IQGAP2: variants seen among roughly 807,000 people sequenced by gnomAD.
The protein encoded by IQGAP2 is ras GTPase-activating-like protein IQGAP2.
A neutral mutation model predicts 201.3 loss-of-function variants in IQGAP2; 173 were observed. The observed-to-expected ratio is 0.86, with a 90% CI of 0.76 to 0.98. IQGAP2 has a LOEUF of 0.98. Among genes scored for constraint, IQGAP2 ranks in the 50% least tolerant of loss-of-function variants. The pLI, the probability that IQGAP2 is intolerant of heterozygous loss-of-function variation, is 0.00. For synonymous variants in IQGAP2, 675 were observed against 673.9 expected, an observed-to-expected ratio of 1.00 and a Z score of -0.03; for missense variants, 1,687 against 1,864.8, an observed-to-expected ratio of 0.90 and a Z score of 1.76.
chr5:76,409,510 T>C (rs912328936), intron 1 of IQGAP2, among the ~76,000 whole-genome samples: 12 of 152,034 alleles, frequency 7.9e-5, no homozygotes, highest in African/African-American at 2.9e-4. Context: ...GCCTCCCAAA[T>C]TGCTGGTATT....
chr5:76,644,504 T>G (rs1751872388), intron 17 of IQGAP2, among the ~76,000 whole-genome samples: 1 of 151,904 alleles, frequency 6.6e-6, no homozygotes, highest in Non-Finnish European at 1.5e-5. Context: ...TTCACCATGT[T>G]GGCCAGGCTG....
chr5:76,512,433 G>C (rs570086940), intron 2 of IQGAP2, among the ~76,000 whole-genome samples: 1 of 152,270 alleles, frequency 6.6e-6, no homozygotes, highest in East Asian at 1.9e-4. Context: ...TGCTTTAGTA[G>C]CTAAACTTTT....
chr5:76,425,290 T>A (rs1306164552), intron 1 of IQGAP2, among the ~76,000 whole-genome samples: 1 of 152,206 alleles, frequency 6.6e-6, no homozygotes, highest in Non-Finnish European at 1.5e-5. Context: ...AGATTCTTCA[T>A]TAAAATTTTA....
chr5:76,576,853 A>G (rs1047589600), intron 5 of IQGAP2, among the ~76,000 whole-genome samples: 1 of 152,218 alleles, frequency 6.6e-6, no homozygotes, highest in African/African-American at 2.4e-5. Context: ...AAAAACAGCA[A>G]CAGTAAAAAC....
chr5:76,585,838 G>A (rs527789114), intron 5 of IQGAP2, among the ~76,000 whole-genome samples: 1 of 152,134 alleles, frequency 6.6e-6, no homozygotes, highest in African/African-American at 2.4e-5. Context: ...CTTAAATGAT[G>A]GCTTGATCTC....
chr5:76,496,725 TTTTCTTTCTTTCTTTC>T lies in IQGAP2; in HGVS notation c.146+35110_146+35125del, dbSNP rs774957947. Among the ~76,000 whole-genome samples the T allele has an allele frequency of 4.1e-3, 386 of 93,472 alleles. 5 individuals are homozygous for T. The highest frequency in any genetic ancestry group is 7.8e-3 in the African/African-American group (136 of 17,516). 61.3% of individuals were successfully genotyped at this position (93,472 alleles called of 152,430 possible). A position where few individuals can be genotyped will look rare whatever the true frequency, so the allele number is the denominator to read the frequency against. On this transcript the variant is annotated intron_variant, in intron 2 of 35. Coordinates refer to ENST00000274364, the MANE Select transcript of IQGAP2 (RefSeq NM_006633.5). Reference sequence around the variant, plus strand: ...GTCTCTTTCTTTCTTTCTTTCTTTCTTTTCTTTCTTTCTTTCTTTCTTTCTTTCTTTCTTTCTTTCT... The same window carrying T: ...GTCTCTTTCTTTCTTTCTTTCTTTCTTTTCTTTCTTTCTTTCTTTCTTTCT...
At chr5:76,623,152 G>T in intron 13 of IQGAP2, 1 of 1,613,776 alleles carries the variant, frequency 6.2e-7, no homozygotes, top group South Asian at 1.1e-5. Context: ...CCTACCCCCT[G>T]AGAAAATTGC....
chr5:76,508,861 T>C (rs767447857), intron 2 of IQGAP2, among the ~76,000 whole-genome samples: 1 of 152,174 alleles, frequency 6.6e-6, no homozygotes, highest in Non-Finnish European at 1.5e-5. Flanking sequence ...CCCTTTTTTC[T>C]ACCTGTTAAT....
chr5:76,473,129 A>G (rs1159919353), intron 2 of IQGAP2, among the ~76,000 whole-genome samples: 2 of 152,184 alleles, frequency 1.3e-5, no homozygotes, highest in African/African-American at 4.8e-5. Context: ...GTGCTTAAAA[A>G]CTATAACATA....
At chr5:76,408,039 G>A (rs921491977) in intron 1 of IQGAP2, among the ~76,000 whole-genome samples, 1 of 152,152 alleles carries the variant, frequency 6.6e-6, no homozygotes, top group African/African-American at 2.4e-5. Flanking sequence ...GCTGAGGCAG[G>A]AGAATCCCAA....
intron 20 of IQGAP2, among the ~76,000 whole-genome samples, chr5:76,655,710 G>A (rs1210430497): frequency 6.6e-6 from 1 of 152,110 alleles, no homozygotes; most frequent in Non-Finnish European, 1.5e-5. Flanking sequence ...GCCTCCCAAA[G>A]TGCTGGGATT....
intron 2 of IQGAP2, 124 bp downstream of exon 2, chr5:76,461,793 T>C: frequency 1.5e-6 from 1 of 670,710 alleles, no homozygotes; most frequent in East Asian, 2.8e-5. Context: ...TTGTCGTAGT[T>C]GGAGATGGCC....
chr5:76,683,245 C>G (rs1375431315), intron 29 of IQGAP2, 28 bp downstream of exon 29: 1 of 1,541,348 alleles, frequency 6.5e-7, no homozygotes, highest in Non-Finnish European at 8.9e-7. Flanking sequence ...CTACTTATCC[C>G]TTGGTTTTTG....
chr5:76,552,042 T>A (rs1163280270), intron 2 of IQGAP2, among the ~76,000 whole-genome samples: 1 of 152,172 alleles, frequency 6.6e-6, no homozygotes, highest in East Asian at 1.9e-4. Flanking sequence ...AGAGCCTTCC[T>A]CGCCCCTGGG....
intron 2 of IQGAP2, among the ~76,000 whole-genome samples, chr5:76,513,376 CA>C (rs1476951177): frequency 6.6e-6 from 1 of 152,152 alleles, no homozygotes; most frequent in African/African-American, 2.4e-5. Flanking sequence ...TGTCTGCCAC[CA>C]AAACACCACT....
chr5:76,623,035 T>C (rs1749860911), intron 13 of IQGAP2: 2 of 798,048 alleles, frequency 2.5e-6, no homozygotes, highest in Non-Finnish European at 4.2e-6. Flanking sequence ...GATTCTACCT[T>C]TTAATAATAA....
In IQGAP2 at chr5:76,421,707, C is replaced by T. The variant is rs1050283186; in HGVS notation, c.46+18116C>T. On this transcript the variant is annotated intron_variant, in intron 1 of 35. Transcript: ENST00000274364. ...GACAAGGGTCACAGTTTTTCATTTACATTAATCATGACTTTTTAGAATTTT... is the reference window on the plus strand; with the variant it reads ...GACAAGGGTCACAGTTTTTCATTTATATTAATCATGACTTTTTAGAATTTT... Among the ~76,000 whole-genome samples the T allele has an allele frequency of 2.6e-5, 4 of 152,196 alleles. No homozygotes were observed. The South Asian group carries it at 8.3e-4, about 31-fold the overall frequency.
chr5:76,567,574 A>G lies in IQGAP2; in HGVS notation c.304-3006A>G, dbSNP rs79862830. ...TTGGAGGCAGTGCTTGTTCTAAGGT[A>G]CTTGAGCAGTAAAATGAGTATAATA... On this transcript the variant is annotated intron_variant, in intron 3 of 35. Coordinates refer to ENST00000274364, the MANE Select transcript of IQGAP2 (RefSeq NM_006633.5). Among the ~76,000 whole-genome samples the G allele has an allele frequency of 3.9e-3, 593 of 152,310 alleles. 2 individuals carry two copies. The highest frequency in any genetic ancestry group is 0.015 in the East Asian group (77 of 5,168).
chr5:76,652,838 A>G lies in IQGAP2; in HGVS notation c.2178+5A>G. 1 of 1,557,386 alleles carries G rather than the reference A, an allele frequency of 6.4e-7. No individual in the cohort carries two copies. The highest frequency in any genetic ancestry group is 1.1e-5 in the South Asian group (1 of 89,974). On this transcript the variant is annotated splice_donor_5th_base_variant and intron_variant, in intron 18 of 35. Coordinates refer to ENST00000274364, the MANE Select transcript of IQGAP2 (RefSeq NM_006633.5). Reference sequence around the variant, plus strand: ...AATACTGATTCTATTGTGAAGGTAAATACCCTTTCCTACCATACCAAGTGC... The same window carrying G: ...AATACTGATTCTATTGTGAAGGTAAGTACCCTTTCCTACCATACCAAGTGC...
Sources: allele counts gnomAD v4.1 joint callset (sites outside exome capture counted in the v4.1 genomes callset), GRCh38; gene constraint gnomAD v4.1.1; transcripts MANE v1.5; gene names NCBI Gene and HGNC (gene_info 2026-07-23, HGNC 2026-07-21).